Variants in UBN2 observed in about 807,000 individuals in gnomAD.
UBN2 encodes the protein ubinuclein 2, also known as ubinuclein-2.
Under a neutral mutation model 120.2 loss-of-function variants are expected in UBN2, and 35 were observed. The observed-to-expected ratio is 0.29, with a 90% CI of 0.22 to 0.39. The LOEUF is 0.39. Ranked by LOEUF, UBN2 falls within the 10% of genes least tolerant of loss-of-function variation. The pLI, the probability that UBN2 is intolerant of heterozygous loss-of-function variation, is 1.00. For missense variants in UBN2, 1,693 were observed against 1,663.2 expected (o/e 1.02, Z -0.31); for synonymous variants, 661 against 648.7 (o/e 1.02, Z -0.29).
In UBN2 at chr7:139,283,590, C is replaced by T; in HGVS notation, c.2685C>T (p.Thr895=). ...TTCACACTTCTTCCTCTTCACAGAC[C>T]CATGTCTCCTCTTCTTCCCAAGCCC... is the stretch of plus-strand genomic sequence containing the variant. ...SQIHTSSSSQ[T]HVSSSSQAQI... is the part of the protein sequence containing the mutation. The change falls in exon 15 of 18, where the codon ACC becomes ACT. Residue 895 remains threonine (T), a synonymous_variant. Transcript: ENST00000473989. The T allele has an allele frequency of 1.2e-6, 2 of 1,614,152 alleles. No homozygotes were observed. Among genetic ancestry groups the T allele is most frequent in the Non-Finnish European group, 1.7e-6 (2 of 1,180,034 alleles).
the UBN2 span, among the ~76,000 whole-genome samples, chr7:139,317,121 T>C: frequency 6.6e-6 from 1 of 152,110 alleles, no homozygotes; most frequent in East Asian, 1.9e-4. Context: ...GTTTAGGTTT[T>C]TCCTTCTCTA....
chr7:139,265,085 C>G (rs1797056085), intron 6 of UBN2, among the ~76,000 whole-genome samples: 1 of 152,112 alleles, frequency 6.6e-6, no homozygotes, highest in South Asian at 2.1e-4. Context: ...TGTAGCTACC[C>G]TACTGTGACC....
Position 139,261,373 on chromosome 7 carries a change from A to G in UBN2, c.1027A>G (p.Asn343Asp), listed in dbSNP as rs1279041967. The stretch of plus-strand genomic sequence containing the variant: ...GAAGGATGCATTAAAGAAGGAGTCT[A>G]ACCCCAAAGTCCCAGTGACCTTGTC... ...KEKDALKKESNPKVPVTLSTP... is the reference protein window; with the variant it reads ...KEKDALKKESDPKVPVTLSTP... The change falls in exon 6 of 18, where the codon AAC becomes GAC. Residue 343 changes from asparagine to aspartate, a missense_variant. Around this residue, in one of 5 missense-constraint regions of UBN2, gnomAD observed 663 missense variants for 591.2 expected, o/e 1.12. Coordinates refer to ENST00000473989, the MANE Select transcript of UBN2 (RefSeq NM_173569.4). 8.1e-6 allele frequency: 13 copies of G among 1,614,128 alleles called. No homozygotes were observed. Among genetic ancestry groups the G allele is most frequent in the Non-Finnish European group, 1.1e-5 (13 of 1,180,050 alleles).
intron 4 of UBN2, among the ~76,000 whole-genome samples, chr7:139,258,838 C>G (rs1417789281): frequency 6.6e-6 from 1 of 152,078 alleles, no homozygotes; most frequent in Non-Finnish European, 1.5e-5. Flanking sequence ...AAAAACTTCT[C>G]TCTACAAATG....
rs1450232624 is a variant in UBN2, at chr7:139,308,232, T to C, written c.*10396T>C. 1 of 152,116 alleles carries C rather than the reference T, an allele frequency of 6.6e-6. No individual in the cohort carries two copies. Among genetic ancestry groups the C allele is most frequent in the African/African-American group, 2.4e-5 (1 of 41,420 alleles). The allele number at this position is 152,116 out of a possible 1,614,324, so 9.4% of individuals were successfully genotyped here. A position where few individuals can be genotyped will look rare whatever the true frequency, so the allele number is the denominator to read the frequency against. On this transcript the variant is annotated 3_prime_UTR_variant, in exon 18 of 18. Coordinates refer to ENST00000473989, the MANE Select transcript of UBN2 (RefSeq NM_173569.4). ...TGTATTAAATAAAGAGGAATGTACA[T>C]ACTATCCTCGTGTCTGTTGTGTTAT...
chr7:139,263,430 CAGTT>C (rs1470753985), intron 6 of UBN2, among the ~76,000 whole-genome samples: 5 of 151,974 alleles, frequency 3.3e-5, no homozygotes, highest in Non-Finnish European at 5.9e-5. Context: ...TGAGACTTAT[CAGTT>C]GGTTGGAAAT....
chr7:139,265,733 A>G (rs867625223), intron 6 of UBN2, among the ~76,000 whole-genome samples: 10 of 152,088 alleles, frequency 6.6e-5, no homozygotes, highest in Non-Finnish European at 5.9e-5. Context: ...GGGAGAGCCT[A>G]GAGGGATTTG....
At chr7:139,325,651 C>T in the UBN2 span, among the ~76,000 whole-genome samples, 1 of 152,152 alleles carries the variant, frequency 6.6e-6, no homozygotes, top group East Asian at 1.9e-4. Context: ...CTGATGTATA[C>T]TCATTTTCAT....
chr7:139,237,241 CAAAT>C (rs1459882069), intron 2 of UBN2, 144 bp downstream of exon 2: 4 of 459,290 alleles, frequency 8.7e-6, no homozygotes, highest in South Asian at 3.3e-5. Context: ...GTTAGACAGT[CAAAT>C]AAAGATTCCA....
chr7:139,233,265 C>T (rs1353989996), intron 1 of UBN2, among the ~76,000 whole-genome samples: 2 of 152,172 alleles, frequency 1.3e-5, no homozygotes, highest in African/African-American at 2.4e-5. Context: ...ACATTTTGCT[C>T]GTCAGACTCA....
intron 17 of UBN2, among the ~76,000 whole-genome samples, chr7:139,294,772 T>C (rs900482536): frequency 1.3e-5 from 2 of 151,736 alleles, no homozygotes; most frequent in Admixed American, 1.3e-4. Flanking sequence ...ACCCAGGAGG[T>C]GGAGGTTGCG....
chr7:139,310,322 A>AAG (rs35982186), downstream of UBN2, among the ~76,000 whole-genome samples: 36,816 of 150,848 alleles, frequency 0.24, 7,702 homozygotes, highest in African/African-American at 0.56. Context: ...AAAAAAAAAA[A>AAG]GTTATATTTG....
rs1243369569 is a variant in UBN2 at position 139,283,795 on chromosome 7, C to G, written c.2890C>G (p.Leu964Val). The change falls in exon 15 of 18, where the codon CTC becomes GTC. Residue 964 changes from leucine (L) to valine (V), a missense_variant. Coordinates refer to ENST00000473989, the MANE Select transcript of UBN2 (RefSeq NM_173569.4). ...CGTGAAGTTAAGTAATAATCCCCAA[C>G]TCTCCTGTTCCTCCTCACTTATTAA... ...PVVKLSNNPQ[L>V]SCSSSLIKTS... 1 of 1,614,026 alleles carries G rather than the reference C, an allele frequency of 6.2e-7. No homozygotes were observed. Among genetic ancestry groups the G allele is most frequent in the Admixed American group, 1.7e-5 (1 of 60,018 alleles).
intron 14 of UBN2, among the ~76,000 whole-genome samples, chr7:139,282,409 A>G (rs910620495): frequency 6.6e-6 from 1 of 152,176 alleles, no homozygotes; most frequent in Non-Finnish European, 1.5e-5. Flanking sequence ...CACTTAGTGG[A>G]TATATATTGA....
intron 2 of UBN2, among the ~76,000 whole-genome samples, chr7:139,244,605 A>G (rs1796413265): frequency 6.6e-6 from 1 of 152,020 alleles, no homozygotes; most frequent in Non-Finnish European, 1.5e-5. Context: ...TTCCTGCACC[A>G]CTGCTTCCAG....
At chr7:139,279,551 C>CAT (rs1797542412) in intron 13 of UBN2, among the ~76,000 whole-genome samples, 191 bp downstream of exon 13, 1 of 152,162 alleles carries the variant, frequency 6.6e-6, no homozygotes, top group South Asian at 2.1e-4. Flanking sequence ...GGGGAATATG[C>CAT]ATACACCAAT....
chr7:139,311,890 G>A (rs1330281661), downstream of UBN2, among the ~76,000 whole-genome samples: 1 of 152,196 alleles, frequency 6.6e-6, no homozygotes, highest in African/African-American at 2.4e-5. Flanking sequence ...GTCATGGAGT[G>A]ATTCCACGTC....
intron 2 of UBN2, among the ~76,000 whole-genome samples, chr7:139,248,983 A>G (rs1484595016): frequency 6.6e-6 from 1 of 151,594 alleles, no homozygotes; most frequent in Non-Finnish European, 1.5e-5. Context: ...GTATGTATAT[A>G]TGTGTATATG....
chr7:139,234,992 G>A (rs1394558479), intron 1 of UBN2, among the ~76,000 whole-genome samples: 1 of 152,038 alleles, frequency 6.6e-6, no homozygotes, highest in African/African-American at 2.4e-5. Flanking sequence ...AATCTTGATT[G>A]GGGGAGGGTG....
Sources: allele counts gnomAD v4.1 joint callset (sites outside exome capture counted in the v4.1 genomes callset), GRCh38; gene constraint gnomAD v4.1.1; regional missense constraint gnomAD v4.1.1; transcripts MANE v1.5; gene names NCBI Gene and HGNC (gene_info 2026-07-23, HGNC 2026-07-21).